SCFD2: variants seen among roughly 807,000 people sequenced by gnomAD.
SCFD2 encodes sec1 family domain containing 2.
Under a neutral mutation model 58.9 loss-of-function variants are expected in SCFD2, and 54 were observed. The observed-to-expected ratio is 0.92, with a 90% CI of 0.74 to 1.15. The LOEUF (loss-of-function observed/expected upper bound fraction) is 1.15, where lower values mean the gene tolerates loss of function less well. Among genes scored for constraint, SCFD2 ranks in the 50% most tolerant of loss-of-function variants. The pLI is 0.00. For missense variants in SCFD2, 805 were observed against 836.6 expected (o/e 0.96, Z 0.47); for synonymous variants, 321 against 335.9 (o/e 0.96, Z 0.49).
intron 5 of SCFD2, among the ~76,000 whole-genome samples, chr4:53,049,145 T>A (rs1046628120): frequency 6.6e-6 from 1 of 152,158 alleles, no homozygotes; most frequent in Non-Finnish European, 1.5e-5. Flanking sequence ...GTTAATTCCA[T>A]GTGGAAAGGA....
chr4:53,025,705 G>A (rs1436333529), intron 5 of SCFD2, among the ~76,000 whole-genome samples: 2 of 152,194 alleles, frequency 1.3e-5, no homozygotes, highest in Admixed American at 6.5e-5. Context: ...ATTGATGCGG[G>A]AAAAACTACC....
chr4:52,947,968 CAA>C (rs34494471), intron 5 of SCFD2, among the ~76,000 whole-genome samples: 2,630 of 35,152 alleles, frequency 0.075, 39 homozygotes, highest in Middle Eastern at 0.083. Context: ...AAAAATAGGC[CAA>C]AAAAAAAAAA....
chr4:53,171,777 T>C (rs1468337373), intron 4 of SCFD2, among the ~76,000 whole-genome samples: 1 of 151,978 alleles, frequency 6.6e-6, no homozygotes, highest in African/African-American at 2.4e-5. Flanking sequence ...CATTTGTTGC[T>C]GTATAATTGT....
intron 4 of SCFD2, among the ~76,000 whole-genome samples, chr4:53,263,467 C>T (rs1730889218): frequency 6.6e-6 from 1 of 152,202 alleles, no homozygotes; most frequent in African/African-American, 2.4e-5. Context: ...TCTCCCTCTT[C>T]CCCTAGGGAT....
chr4:53,230,138 A>T (rs904139553), intron 4 of SCFD2, among the ~76,000 whole-genome samples: 20 of 152,176 alleles, frequency 1.3e-4, no homozygotes, highest in Non-Finnish European at 2.9e-5. Flanking sequence ...GCTGGAGAGG[A>T]TGTGGAGAAA....
At chr4:53,152,778 T>A (rs556376436) in intron 4 of SCFD2, among the ~76,000 whole-genome samples, 1 of 152,170 alleles carries the variant, frequency 6.6e-6, no homozygotes, top group African/African-American at 2.4e-5. Flanking sequence ...ACTTCCAAGA[T>A]ACAATGGTGG....
At chr4:53,099,360 A>G (rs1342543038) in intron 5 of SCFD2, among the ~76,000 whole-genome samples, 1 of 152,168 alleles carries the variant, frequency 6.6e-6, no homozygotes, top group African/African-American at 2.4e-5. Context: ...TCAAACCCAT[A>G]ATTATTAGCC....
chr4:53,143,250 T>A (rs182017447), intron 5 of SCFD2, among the ~76,000 whole-genome samples: 1 of 152,206 alleles, frequency 6.6e-6, no homozygotes. Context: ...AAAAAAGCTA[T>A]CCAAATAACC....
intron 5 of SCFD2, among the ~76,000 whole-genome samples, chr4:53,015,340 C>T (rs1277052122): frequency 6.6e-6 from 1 of 152,122 alleles, no homozygotes; most frequent in Admixed American, 6.6e-5. Flanking sequence ...TGCTATTTGC[C>T]AGGCACTGTG....
chr4:53,252,484 A>G (rs1265463895), intron 4 of SCFD2, among the ~76,000 whole-genome samples: 1 of 151,168 alleles, frequency 6.6e-6, no homozygotes, highest in Non-Finnish European at 1.5e-5. Context: ...ACTTCAAACT[A>G]TACTACAAGG....
At chr4:53,294,531 G>T (rs923603674) in intron 3 of SCFD2, among the ~76,000 whole-genome samples, 36 of 152,238 alleles carry the variant, frequency 2.4e-4, no homozygotes, top group African/African-American at 7.7e-4. Context: ...GTAGATTCTG[G>T]ATATTAGCCC....
At chr4:53,057,723 T>A (rs543334050) in intron 5 of SCFD2, among the ~76,000 whole-genome samples, 1 of 152,180 alleles carries the variant, frequency 6.6e-6, no homozygotes, top group African/African-American at 2.4e-5. Context: ...GGGTGCTTGC[T>A]TATAAAAGAA....
chr4:53,126,872 G>GA (rs903687358), intron 5 of SCFD2, among the ~76,000 whole-genome samples: 10 of 149,774 alleles, frequency 6.7e-5, no homozygotes, highest in African/African-American at 1.5e-4. Flanking sequence ...AATCAGGTTG[G>GA]AAAAAAAAAC....
chr4:52,899,278 T>C (rs1577809730), intron 7 of SCFD2, among the ~76,000 whole-genome samples: 1 of 152,350 alleles, frequency 6.6e-6, no homozygotes, highest in East Asian at 1.9e-4. Flanking sequence ...GTTTTTGCAG[T>C]GGCTGGTACC....
chr4:53,338,770 C>T (rs576166552), intron 2 of SCFD2, among the ~76,000 whole-genome samples: 3 of 151,188 alleles, frequency 2.0e-5, no homozygotes, highest in African/African-American at 2.4e-5. Context: ...TTAGTAGAGA[C>T]GGGGTTTCAC....
At chr4:52,975,068 T>G (rs991569062) in intron 5 of SCFD2, among the ~76,000 whole-genome samples, 3 of 152,134 alleles carry the variant, frequency 2.0e-5, no homozygotes, top group Non-Finnish European at 4.4e-5. Context: ...ATAAAAACCC[T>G]AGAAGAAAAC....
intron 3 of SCFD2, among the ~76,000 whole-genome samples, chr4:53,281,627 T>C (rs1483497634): frequency 6.6e-6 from 1 of 152,192 alleles, no homozygotes; most frequent in Non-Finnish European, 1.5e-5. Flanking sequence ...CCTCAGGAGA[T>C]GCATCAGAAT....
At chr4:53,141,005 A>G (rs1726120362) in intron 5 of SCFD2, among the ~76,000 whole-genome samples, 1 of 152,208 alleles carries the variant, frequency 6.6e-6, no homozygotes. Flanking sequence ...GAACTCCCTA[A>G]TCCTTAATGT....
At chr4:53,044,906 A>ACCCCCCCCC (rs1553872108) in intron 5 of SCFD2, among the ~76,000 whole-genome samples, 14 of 18,056 alleles carry the variant, frequency 7.8e-4, no homozygotes, top group African/African-American at 1.9e-3. Flanking sequence ...TCCACCCCCA[A>ACCCCCCCCC]CCCCCCCCCC....
Sources: allele counts gnomAD v4.1 joint callset (sites outside exome capture counted in the v4.1 genomes callset), GRCh38; gene constraint gnomAD v4.1.1; transcripts MANE v1.5; gene names NCBI Gene and HGNC (gene_info 2026-07-23, HGNC 2026-07-21).